DENND5B: variants seen among roughly 807,000 people sequenced by gnomAD.
The protein encoded by DENND5B is DENN domain containing 5B.
A neutral mutation model predicts 140.6 loss-of-function variants in DENND5B; 34 were observed. The observed-to-expected ratio is 0.24, with a 90% CI of 0.18 to 0.32. The LOEUF is 0.32. DENND5B is among the 10% of genes least tolerant of loss of function. The pLI, the probability that DENND5B is intolerant of heterozygous loss-of-function variation, is 1.00. For missense variants in DENND5B, 1,142 were observed against 1,560.2 expected (o/e 0.73, Z 4.52); for synonymous variants, 551 against 562.1 (o/e 0.98, Z 0.28).
chr12:31,418,077 T>C (rs1942841060), intron 11 of DENND5B, among the ~76,000 whole-genome samples: 2 of 152,076 alleles, frequency 1.3e-5, no homozygotes, highest in African/African-American at 2.4e-5. Context: ...GCCAGTCCAA[T>C]CTAAAAGCAC....
intron 17 of DENND5B, among the ~76,000 whole-genome samples, chr12:31,397,568 A>AAT (rs1941548785): frequency 6.7e-6 from 1 of 149,548 alleles, no homozygotes; most frequent in African/African-American, 2.4e-5. Flanking sequence ...AAAAAAAAAA[A>AAT]AAAAAGGCTA....
chr12:31,553,169 A>G (rs377563351), intron 1 of DENND5B, among the ~76,000 whole-genome samples: 13 of 152,236 alleles, frequency 8.5e-5, no homozygotes, highest in African/African-American at 2.6e-4. Flanking sequence ...TGTCAATTTT[A>G]GATCTTTCCT....
At chr12:31,518,577 CTT>C (rs5797414) in intron 1 of DENND5B, among the ~76,000 whole-genome samples, 95 of 147,140 alleles carry the variant, frequency 6.5e-4, no homozygotes, top group African/African-American at 9.0e-4. Context: ...TCAAATATAC[CTT>C]TTTTTTTTTT....
chr12:31,484,437 T>C (rs527948629), intron 2 of DENND5B, among the ~76,000 whole-genome samples: 4 of 152,202 alleles, frequency 2.6e-5, no homozygotes, highest in African/African-American at 9.6e-5. Flanking sequence ...CCGTTTGACA[T>C]GTGAAGCAAA....
intron 17 of DENND5B, chr12:31,396,408 C>T (rs1366971847): frequency 1.3e-5 from 2 of 150,982 alleles, no homozygotes; most frequent in African/African-American, 2.4e-5. Context: ...TTCGGCAGCA[C>T]ATATACTAAA....
At chr12:31,537,466 C>A (rs1025776690) in intron 1 of DENND5B, among the ~76,000 whole-genome samples, 19 of 151,890 alleles carry the variant, frequency 1.3e-4, no homozygotes, top group Admixed American at 1.2e-3. Flanking sequence ...AAACATACAA[C>A]AGATACGCTG....
At chr12:31,460,032 G>T (rs1174310825) in intron 4 of DENND5B, among the ~76,000 whole-genome samples, 162 bp downstream of exon 4, 1 of 152,188 alleles carries the variant, frequency 6.6e-6, no homozygotes, top group Non-Finnish European at 1.5e-5. Context: ...TCATCATCAA[G>T]AGTCTGCATT....
At chr12:31,439,454 T>C (rs768050031) in intron 7 of DENND5B, among the ~76,000 whole-genome samples, 7 of 151,678 alleles carry the variant, frequency 4.6e-5, no homozygotes, top group Admixed American at 1.3e-4. Context: ...ATAACTCTTA[T>C]CATCTGACAT....
Position 31,409,340 on chromosome 12 carries a change from C to CT in DENND5B, c.2725dup (p.Arg909LysfsTer31). On this transcript the variant is annotated frameshift_variant, in exon 14 of 21. Transcript: ENST00000389082. LOFTEE classifies it high-confidence loss of function. The stretch of plus-strand genomic sequence containing the variant: ...AAGAAGGTGGTAAAGAAACTGCTCT[C>CT]TTTCTTCTTCGCAACGTAGAAAAGC... The CT allele has an allele frequency of 6.4e-7, 1 of 1,562,960 alleles. No homozygotes were observed. Among genetic ancestry groups the CT allele is most frequent in the Non-Finnish European group, 8.7e-7 (1 of 1,153,196 alleles).
chr12:31,436,691 T>C (rs1210174881), intron 7 of DENND5B, among the ~76,000 whole-genome samples: 2 of 151,632 alleles, frequency 1.3e-5, no homozygotes, highest in African/African-American at 2.4e-5. Flanking sequence ...TGTGCCAACA[T>C]GCCCAGCTAA....
chr12:31,551,787 G>T (rs1198010905), intron 1 of DENND5B, among the ~76,000 whole-genome samples: 1 of 152,194 alleles, frequency 6.6e-6, no homozygotes, highest in Non-Finnish European at 1.5e-5. Context: ...CACATCCCTT[G>T]TAAGTTGGAT....
chr12:31,434,455 C>T (rs916764749), intron 7 of DENND5B, among the ~76,000 whole-genome samples: 1 of 152,150 alleles, frequency 6.6e-6, no homozygotes, highest in African/African-American at 2.4e-5. Context: ...AAGTTGCCTT[C>T]CAGCTCAAAT....
intron 1 of DENND5B, among the ~76,000 whole-genome samples, chr12:31,532,011 G>A (rs1948305934): frequency 6.6e-6 from 1 of 152,106 alleles, no homozygotes; most frequent in Non-Finnish European, 1.5e-5. Context: ...AAATACACCA[G>A]GGGACAAAAA....
intron 15 of DENND5B, among the ~76,000 whole-genome samples, chr12:31,401,693 C>T (rs1044708414): frequency 1.3e-5 from 2 of 152,132 alleles, no homozygotes; most frequent in Non-Finnish European, 2.9e-5. Flanking sequence ...TGCAGTGGCA[C>T]AATCCTGGCT....
At chr12:31,517,601 T>G (rs1210748406) in intron 1 of DENND5B, among the ~76,000 whole-genome samples, 3 of 152,256 alleles carry the variant, frequency 2.0e-5, no homozygotes, top group Non-Finnish European at 4.4e-5. Flanking sequence ...ACGATTGTAT[T>G]TGGACGTTAG....
At chr12:31,499,469 T>G in intron 1 of DENND5B, 4 of 573,658 alleles carry the variant, frequency 7.0e-6, no homozygotes, top group African/African-American at 1.9e-5. Flanking sequence ...AAGATGCAGA[T>G]GAGAGAAGAG....
intron 6 of DENND5B, among the ~76,000 whole-genome samples, chr12:31,445,398 A>C (rs965538414): frequency 2.6e-5 from 4 of 152,140 alleles, no homozygotes; most frequent in African/African-American, 9.7e-5. Flanking sequence ...GCAGTAATAA[A>C]ACAAAATAAA....
Position 31,479,890 on chromosome 12 carries a change from C to A in DENND5B, c.603G>T (p.Met201Ile). The change falls in exon 3 of 21, where the codon ATG (methionine) becomes ATT (isoleucine). Residue 201 changes from methionine to isoleucine, a missense_variant. By Grantham distance (10) the Met-to-Ile change is conservative. Transcript: ENST00000389082. ...SICLITPLPF[M>I]QACKKFLIQL... Reference sequence around the variant, plus strand: ...GGATAAGGAATTTCTTGCAGGCCTGCATGAATGGTAACGGTGTGATCAAGC... The same window carrying A: ...GGATAAGGAATTTCTTGCAGGCCTGAATGAATGGTAACGGTGTGATCAAGC... 6.2e-7 allele frequency: 1 copy of A among 1,613,918 alleles called. No individual in the cohort carries two copies. The highest frequency in any genetic ancestry group is 1.3e-5 in the African/African-American group (1 of 75,030).
chr12:31,475,876 C>A (rs1052577176), intron 3 of DENND5B, among the ~76,000 whole-genome samples: 2 of 152,176 alleles, frequency 1.3e-5, no homozygotes, highest in African/African-American at 4.8e-5. Flanking sequence ...GTAATCCCAG[C>A]ACTTTGGGAG....
Sources: gnomAD v4.1 joint callset for allele counts (sites outside exome capture counted in the v4.1 genomes callset) on GRCh38, gnomAD v4.1.1 for gene constraint, MANE v1.5 for transcripts, NCBI Gene and HGNC (gene_info 2026-07-23, HGNC 2026-07-21) for gene names.